The following NCKAP5 variants were observed in gnomAD, a reference collection of about 807,000 sequenced individuals.
The protein encoded by NCKAP5 is NCK associated protein 5.
A neutral mutation model predicts 167.0 loss-of-function variants in NCKAP5; 92 were observed. The ratio of observed to expected loss-of-function variants is 0.55; its 90% confidence interval spans 0.47 to 0.66. The LOEUF (loss-of-function observed/expected upper bound fraction) is 0.66, where lower values mean the gene tolerates loss of function less well. NCKAP5 is among the 30% of genes least tolerant of loss of function. NCKAP5 has a pLI of 0.00. For missense variants in NCKAP5, 2,378 were observed against 2,315.0 expected, an observed-to-expected ratio of 1.03 and a Z score of -0.56; for synonymous variants, 891 against 877.4, an observed-to-expected ratio of 1.02 and a Z score of -0.27.
intron 7 of NCKAP5, among the ~76,000 whole-genome samples, chr2:132,970,951 T>C (rs1280141376): frequency 6.6e-6 from 1 of 152,240 alleles, no homozygotes; most frequent in Non-Finnish European, 1.5e-5. Context: ...GCTTTCCCCA[T>C]TCCAGGACAC....
rs186991596 is a variant in NCKAP5 at position 132,863,349 on chromosome 2, A to G, written c.688-2738T>C. On this transcript the variant is annotated intron_variant, in intron 10 of 19. Coordinates refer to ENST00000409261, the MANE Select transcript of NCKAP5 (RefSeq NM_207363.3). ...CATAGAGATATGGAAACGGAAGCAT[A>G]CAGTGTGGATATGCAAGTAAAAGGG... is the stretch of plus-strand genomic sequence containing the variant. 3.9e-4 allele frequency among the ~76,000 whole-genome samples: 60 copies of G among 152,190 alleles called. No homozygotes were observed. The East Asian group carries it at 7.5e-3, about 19-fold the overall frequency.
At chr2:133,425,419 T>G (rs912353403) in intron 3 of NCKAP5, among the ~76,000 whole-genome samples, 1 of 151,538 alleles carries the variant, frequency 6.6e-6, no homozygotes, top group Admixed American at 6.6e-5. Flanking sequence ...ATCAGGGGGG[T>G]AGTCAGCTTA....
chr2:133,573,686 T>C, the NCKAP5 span, among the ~76,000 whole-genome samples: 1 of 152,166 alleles, frequency 6.6e-6, no homozygotes, highest in Non-Finnish European at 1.5e-5. Context: ...AGCCTCCTCA[T>C]TGTGTTGTTG....
At chr2:133,249,128 T>C (rs1161918946) in intron 4 of NCKAP5, among the ~76,000 whole-genome samples, 1 of 150,676 alleles carries the variant, frequency 6.6e-6, no homozygotes, top group East Asian at 2.0e-4. Flanking sequence ...TAGGTCTGCA[T>C]TCTCATCCAG....
chr2:133,132,481 G>GCACACACACACACACACA (rs373384379), intron 5 of NCKAP5, among the ~76,000 whole-genome samples: 3 of 130,000 alleles, frequency 2.3e-5, no homozygotes, highest in African/African-American at 8.7e-5. Context: ...GAAAAAAAAA[G>GCACACACACACACACACA]CACACACACA....
chr2:133,471,054 A>G (rs1453228710), intron 3 of NCKAP5, among the ~76,000 whole-genome samples: 1 of 152,174 alleles, frequency 6.6e-6, no homozygotes, highest in Non-Finnish European at 1.5e-5. Flanking sequence ...TTTTGCTTTT[A>G]TGTACTGATC....
At chr2:133,498,433 CGGAAGGAAGGAAGGAAGGAAGGAAGGAA>C (rs749222948) in intron 3 of NCKAP5, among the ~76,000 whole-genome samples, 2 of 100,352 alleles carry the variant, frequency 2.0e-5, no homozygotes, top group East Asian at 2.9e-4. Flanking sequence ...ATGAGAAAAA[CGGAAGGAAGGAAGGAAGGAAGGAAGGAA>C]GGAAGGAAGG....
chr2:132,765,308 C>CTTTTTTTTT (rs1170247644), intron 16 of NCKAP5, among the ~76,000 whole-genome samples: 89 of 114,268 alleles, frequency 7.8e-4, no homozygotes, highest in South Asian at 1.1e-3. Flanking sequence ...TTCTTTCTTT[C>CTTTTTTTTT]TTTTTTTTTT....
chr2:132,993,251 A>G (rs2077497262), intron 7 of NCKAP5, among the ~76,000 whole-genome samples: 1 of 152,128 alleles, frequency 6.6e-6, no homozygotes, highest in African/African-American at 2.4e-5. Flanking sequence ...CTGGGTCTCT[A>G]TTTGTGATTT....
At chr2:133,085,228 G>C (rs1296311999) in intron 6 of NCKAP5, among the ~76,000 whole-genome samples, 2 of 152,100 alleles carry the variant, frequency 1.3e-5, no homozygotes, top group African/African-American at 4.8e-5. Context: ...GTACTGCTAA[G>C]AAGTCCCCAA....
chr2:133,271,780 T>C (rs1388326029), intron 4 of NCKAP5, among the ~76,000 whole-genome samples: 2 of 152,190 alleles, frequency 1.3e-5, no homozygotes, highest in East Asian at 1.9e-4. Flanking sequence ...GCTGATATAA[T>C]AGAATTTTCA....
At chr2:132,995,294 T>C (rs1045180252) in intron 6 of NCKAP5, among the ~76,000 whole-genome samples, 4 of 152,228 alleles carry the variant, frequency 2.6e-5, no homozygotes, top group Non-Finnish European at 5.9e-5. Flanking sequence ...CATAAACATG[T>C]ATAAGTTATA....
At chr2:133,281,991 C>T (rs1038364505) in intron 4 of NCKAP5, among the ~76,000 whole-genome samples, 6 of 152,172 alleles carry the variant, frequency 3.9e-5, no homozygotes, top group Admixed American at 2.0e-4. Context: ...CCCCATCCAT[C>T]CTCAGAGGAG....
chr2:133,457,632 G>C (rs1691942113), intron 3 of NCKAP5, among the ~76,000 whole-genome samples: 1 of 152,140 alleles, frequency 6.6e-6, no homozygotes, highest in Non-Finnish European at 1.5e-5. Flanking sequence ...AGAACAATCA[G>C]TAATACAGAT....
intron 5 of NCKAP5, among the ~76,000 whole-genome samples, chr2:133,145,338 C>T (rs892761473): frequency 2.6e-5 from 4 of 151,854 alleles, no homozygotes; most frequent in South Asian, 2.1e-4. Context: ...CGGGGCCTGT[C>T]GGGAAGTAGG....
chr2:133,208,491 C>A (rs2086060734), intron 5 of NCKAP5, among the ~76,000 whole-genome samples: 2 of 152,046 alleles, frequency 1.3e-5, no homozygotes, highest in South Asian at 4.2e-4. Context: ...AGACAAATGC[C>A]ACAAAAAACC....
intron 11 of NCKAP5, among the ~76,000 whole-genome samples, chr2:132,837,163 C>G (rs1159335098): frequency 6.6e-6 from 1 of 152,138 alleles, no homozygotes; most frequent in Admixed American, 6.5e-5. Context: ...CCTGGCTGTC[C>G]TGTAGCTGTC....
chr2:132,678,146 A>G (rs1381975128), intron 19 of NCKAP5, among the ~76,000 whole-genome samples: 2 of 152,094 alleles, frequency 1.3e-5, no homozygotes, highest in East Asian at 1.9e-4. Context: ...ATACAGAAAA[A>G]CTCAAGTGAT....
chr2:132,808,604 A>C (rs1044066424), intron 11 of NCKAP5, among the ~76,000 whole-genome samples: 2 of 152,070 alleles, frequency 1.3e-5, no homozygotes, highest in African/African-American at 4.8e-5. Context: ...GTCAGTTGTA[A>C]TATCTCCTGT....
Sources: allele counts gnomAD v4.1 joint callset (sites outside exome capture counted in the v4.1 genomes callset), GRCh38; gene constraint gnomAD v4.1.1; transcripts MANE v1.5; gene names NCBI Gene and HGNC (gene_info 2026-07-23, HGNC 2026-07-21).